Variants in NCOR1 observed in about 807,000 individuals in gnomAD.
The protein encoded by NCOR1 is protein phosphatase 1, regulatory subunit 109.
A neutral mutation model predicts 288.1 loss-of-function variants in NCOR1; 63 were observed. The ratio of observed to expected loss-of-function variants is 0.22; its 90% confidence interval spans 0.18 to 0.27. The LOEUF is 0.27. Ranked by LOEUF, NCOR1 falls within the 10% of genes least tolerant of loss-of-function variation. The probability of loss-of-function intolerance (pLI) is 1.00; values close to 1 mark genes in which losing one functional copy is unlikely to be tolerated. For missense variants in NCOR1, 2,397 were observed against 3,019.2 expected (o/e 0.79, Z 4.83); for synonymous variants, 1,007 against 1,065.9 (o/e 0.94, Z 1.08).
chr17:16,045,454 T>G (rs116847886), intron 42 of NCOR1, among the ~76,000 whole-genome samples: 1 of 152,202 alleles, frequency 6.6e-6, no homozygotes, highest in Non-Finnish European at 1.5e-5. Flanking sequence ...GCCTACCACA[T>G]AGTACGCTAG....
At chr17:16,102,044 A>C (rs1195004779) in intron 19 of NCOR1, among the ~76,000 whole-genome samples, 2 of 152,222 alleles carry the variant, frequency 1.3e-5, no homozygotes, top group African/African-American at 4.8e-5. Context: ...AATAATTTAT[A>C]TGAAATTGAA....
chr17:16,067,340 A>G (rs2061245487), intron 32 of NCOR1, among the ~76,000 whole-genome samples: 1 of 152,266 alleles, frequency 6.6e-6, no homozygotes, highest in Non-Finnish European at 1.5e-5. Context: ...AGCTTTGGAA[A>G]GAGTTGATAC....
chr17:16,076,334 G>A (rs986087379), intron 26 of NCOR1, among the ~76,000 whole-genome samples: 1 of 152,142 alleles, frequency 6.6e-6, no homozygotes, highest in Non-Finnish European at 1.5e-5. Flanking sequence ...CATCAACAAC[G>A]CATTTGGCCC....
chr17:16,064,511 G>A (rs371112788), intron 34 of NCOR1, among the ~76,000 whole-genome samples: 3 of 152,120 alleles, frequency 2.0e-5, no homozygotes, highest in East Asian at 1.9e-4. Context: ...GCTGAGGCAC[G>A]AGAATCTCTT....
At chr17:16,050,240 T>TA (rs946808351) in intron 40 of NCOR1, among the ~76,000 whole-genome samples, 5 of 151,482 alleles carry the variant, frequency 3.3e-5, no homozygotes, top group Admixed American at 6.6e-5. Flanking sequence ...TTTTTTTTTT[T>TA]AAGACAGAGT....
chr17:16,084,667 T>C (rs147196859), intron 23 of NCOR1, among the ~76,000 whole-genome samples: 1 of 152,250 alleles, frequency 6.6e-6, no homozygotes, highest in Non-Finnish European at 1.5e-5. Context: ...CAGACCCATA[T>C]ATACTGTCAA....
At chr17:16,089,886 T>G (rs2064898213) in intron 22 of NCOR1, among the ~76,000 whole-genome samples, 1 of 152,114 alleles carries the variant, frequency 6.6e-6, no homozygotes, top group Admixed American at 6.5e-5. Context: ...CTAGGGAGAT[T>G]AGCTAAAACA....
intron 3 of NCOR1, among the ~76,000 whole-genome samples, chr17:16,181,211 A>ATACATATATATGTATGTATGTATGTATG (rs1555787779): frequency 7.2e-6 from 1 of 139,498 alleles, no homozygotes; most frequent in Non-Finnish European, 1.5e-5. Flanking sequence ...ATATATATGT[A>ATACATATATATGTATGTATGTATGTATG]TGTGTGTGTG....
chr17:16,057,796 A>T, intron 39 of NCOR1, 59 bp from the exon 40 acceptor site: 3 of 1,508,644 alleles, frequency 2.0e-6, no homozygotes, highest in Non-Finnish European at 2.7e-6. Flanking sequence ...AAAAAAAAAT[A>T]GTATTAAGAA....
At chr17:16,134,237 TAAG>T (rs1328629862) in intron 14 of NCOR1, among the ~76,000 whole-genome samples, 2 of 152,094 alleles carry the variant, frequency 1.3e-5, no homozygotes, top group African/African-American at 4.8e-5. Context: ...TACAAACAAT[TAAG>T]AAACAATGGT....
intron 28 of NCOR1, 80 bp downstream of exon 28, chr17:16,073,349 C>A: frequency 7.8e-7 from 1 of 1,274,408 alleles, no homozygotes; most frequent in Non-Finnish European, 1.0e-6. Context: ...ACAGAAATTG[C>A]ATACAACTTA....
At chr17:16,129,375 C>A (rs796176590) in intron 14 of NCOR1, among the ~76,000 whole-genome samples, 5 of 152,294 alleles carry the variant, frequency 3.3e-5, no homozygotes, top group African/African-American at 1.2e-4. Flanking sequence ...GAGAACTGTA[C>A]CTACTATTCT....
At chr17:16,192,490 T>A (rs146930078) in intron 2 of NCOR1, among the ~76,000 whole-genome samples, 1 of 152,128 alleles carries the variant, frequency 6.6e-6, no homozygotes, top group Non-Finnish European at 1.5e-5. Context: ...ACGCCATCTC[T>A]ACTAAAAATA....
At chr17:16,058,393 A>G (rs2060168810) in intron 38 of NCOR1, 78 bp downstream of exon 38, 7 of 1,478,498 alleles carry the variant, frequency 4.7e-6, no homozygotes, top group Non-Finnish European at 6.4e-6. Context: ...AATTCTTACT[A>G]TGGTCTAGAC....
Position 16,071,241 on chromosome 17 carries a change from C to T in NCOR1, c.4152+168G>A, listed in dbSNP as rs147333060. Among the ~76,000 whole-genome samples, 1,135 of 151,690 alleles carry T rather than the reference C, an allele frequency of 7.5e-3. 12 individuals are homozygous for T. Among genetic ancestry groups the T allele is most frequent in the Admixed American group, 0.013 (200 of 15,256 alleles). On this transcript the variant is annotated intron_variant, in intron 30 of 45. Transcript: ENST00000268712. Reference sequence around the variant, plus strand: ...TATATAGTGAGCTGTGATCACACACCGCACTCCAGCCTGGTCCACAGAGGA... The same window carrying T: ...TATATAGTGAGCTGTGATCACACACTGCACTCCAGCCTGGTCCACAGAGGA...
At position 16,065,473 on chromosome 17, in the gene NCOR1, A is replaced by G. The variant is rs927543795; in HGVS notation, c.4951+12T>C. ...ATAAATTCTACGAAATCTGAAATGC[A>G]AAGACACACACCTCTCGTTGCTGGG... On this transcript the variant is annotated intron_variant, in intron 33 of 45. Transcript: ENST00000268712. The G allele has an allele frequency of 6.2e-7, 1 of 1,613,480 alleles. No individual in the cohort carries two copies. The highest frequency in any genetic ancestry group is 1.7e-5 in the Admixed American group (1 of 60,022).
chr17:16,097,456 G>T (rs1020862377), intron 21 of NCOR1, among the ~76,000 whole-genome samples: 1 of 152,192 alleles, frequency 6.6e-6, no homozygotes, highest in African/African-American at 2.4e-5. Flanking sequence ...AGGGGCTAAA[G>T]GTTCATGCAC....
intron 5 of NCOR1, among the ~76,000 whole-genome samples, chr17:16,159,923 G>C (rs1288544342): frequency 6.6e-6 from 1 of 151,488 alleles, no homozygotes; most frequent in African/African-American, 2.4e-5. Context: ...TCCGCTTCCA[G>C]GGTTCAAGCG....
chr17:16,053,858 T>C (rs779190166), intron 40 of NCOR1, among the ~76,000 whole-genome samples: 7 of 151,814 alleles, frequency 4.6e-5, no homozygotes, highest in Non-Finnish European at 7.4e-5. Context: ...CACAGACCAA[T>C]GGAACAGAAC....
Sources: allele counts gnomAD v4.1 joint callset (sites outside exome capture counted in the v4.1 genomes callset), GRCh38; gene constraint gnomAD v4.1.1; transcripts MANE v1.5; gene names NCBI Gene and HGNC (gene_info 2026-07-23, HGNC 2026-07-21).